Variants in SHROOM4 observed in about 807,000 individuals in gnomAD.
SHROOM4 encodes shroom family member 4, also known as protein Shroom4.
In SHROOM4, 17 loss-of-function variants were observed where a neutral mutation model predicts 80.3. The observed-to-expected ratio is 0.21, with a 90% CI of 0.14 to 0.32. The LOEUF (loss-of-function observed/expected upper bound fraction) is 0.32. Ranked by LOEUF, SHROOM4 falls within the 10% of genes least tolerant of loss-of-function variation. The pLI is 1.00. For synonymous variants in SHROOM4, 400 were observed against 437.5 expected (o/e 0.91, Z 1.07); for missense variants, 993 against 1,140.3 (o/e 0.87, Z 1.86).
intron 1 of SHROOM4, among the ~76,000 whole-genome samples, chrX:50,760,192 A>G (rs943552730): frequency 4.5e-5 from 5 of 110,917 alleles, no homozygotes; most frequent in African/African-American, 1.6e-4. Context: ...TGTCTATTTT[A>G]TCTTCAATTC....
intron 4 of SHROOM4, 115 bp downstream of exon 4, chrX:50,633,063 G>T: frequency 2.6e-6 from 2 of 769,963 alleles, no homozygotes; most frequent in Non-Finnish European, 3.9e-6. Context: ...AACTACTGAA[G>T]CCAGTGCTGT....
chrX:50,737,180 A>G (rs1050761315), intron 1 of SHROOM4, among the ~76,000 whole-genome samples: 1 of 111,690 alleles, frequency 9.0e-6, no homozygotes, highest in African/African-American at 3.2e-5. Context: ...GATGTATATC[A>G]TAAGTGCCAA....
chrX:50,577,662 C>T, the SHROOM4 span, among the ~76,000 whole-genome samples: 1 of 111,941 alleles, frequency 8.9e-6, no homozygotes, highest in Admixed American at 9.5e-5. Context: ...TCTTGTCTCT[C>T]CTCCAATTGC....
chrX:50,783,146 AGAT>A (rs1935664210), intron 1 of SHROOM4, among the ~76,000 whole-genome samples: 1 of 112,259 alleles, frequency 8.9e-6, no homozygotes, highest in African/African-American at 3.2e-5. Flanking sequence ...CTTTATTTGT[AGAT>A]GATATGATCA....
At chrX:50,598,606 C>T (rs1929238920) in intron 7 of SHROOM4, 71 bp from the exon 8 acceptor site, 3 of 1,120,846 alleles carry the variant, frequency 2.7e-6, no homozygotes, top group Admixed American at 2.5e-5. Context: ...GTGCCTGTAA[C>T]CTCTGTTTTG....
rs1370388970 is a variant in SHROOM4, at chrX:50,634,631, T to C, written c.1442A>G (p.Asp481Gly). The C allele has an allele frequency of 1.7e-6, 2 of 1,209,965 alleles. No individual in the cohort carries two copies. The highest frequency in any genetic ancestry group is 2.2e-6 in the Non-Finnish European group (2 of 895,287). ...SSKERKTRQV[D>G]DRSLVLGHQS... ...GTGTCCCAAAACTAAAGACCTGTCA[T>C]CCACTTGTCTGGTCTTTCTTTCTTT... Residue 481 changes from aspartate (D) to glycine (G), a missense_variant, in exon 4 of 9, where the codon GAT (aspartate) becomes GGT (glycine). Transcript: ENST00000376020.
At chrX:50,684,724 G>A (rs1933027822) in intron 2 of SHROOM4, among the ~76,000 whole-genome samples, 2 of 111,889 alleles carry the variant, frequency 1.8e-5, no homozygotes, top group African/African-American at 6.5e-5. Context: ...CTGAAAAAGG[G>A]AGAGTGGAAA....
chrX:50,787,360 C>T (rs1192451623), intron 1 of SHROOM4, among the ~76,000 whole-genome samples: 1 of 111,007 alleles, frequency 9.0e-6, no homozygotes, highest in Non-Finnish European at 1.9e-5. Flanking sequence ...GGTAATTATA[C>T]AGTCAGAGGA....
intron 2 of SHROOM4, among the ~76,000 whole-genome samples, chrX:50,683,938 G>C (rs1557262011): frequency 9.0e-6 from 1 of 111,608 alleles, no homozygotes; most frequent in Non-Finnish European, 1.9e-5. Flanking sequence ...AGTAGAGGAA[G>C]AGGAACCATA....
chrX:50,709,826 C>CCAGTAGCAT (rs1283856563), intron 1 of SHROOM4, among the ~76,000 whole-genome samples: 1 of 112,059 alleles, frequency 8.9e-6, no homozygotes, highest in Admixed American at 9.4e-5. Context: ...GGTACCTGGA[C>CCAGTAGCAT]CAGTAGCATC....
chrX:50,663,273 T>C (rs782137031), intron 2 of SHROOM4, among the ~76,000 whole-genome samples: 1 of 112,130 alleles, frequency 8.9e-6, no homozygotes, highest in South Asian at 3.8e-4. Flanking sequence ...TGTTTGTTCA[T>C]TTTAAATCCT....
chrX:50,680,045 C>T (rs1484625049), intron 2 of SHROOM4, among the ~76,000 whole-genome samples: 2 of 112,097 alleles, frequency 1.8e-5, no homozygotes, highest in Admixed American at 9.5e-5. Context: ...GTCTCATCAA[C>T]ATTTGACACA....
chrX:50,622,546 G>A (rs1391049135), intron 5 of SHROOM4, among the ~76,000 whole-genome samples: 2 of 112,619 alleles, frequency 1.8e-5, no homozygotes, highest in Admixed American at 9.4e-5. Context: ...AGACAACTAA[G>A]AGTATAACTA....
At chrX:50,610,219 G>A (rs1048562042) in intron 5 of SHROOM4, among the ~76,000 whole-genome samples, 3 of 111,105 alleles carry the variant, frequency 2.7e-5, no homozygotes, top group Non-Finnish European at 3.8e-5. Context: ...CACTCATGTG[G>A]ATCAGAAATT....
intron 1 of SHROOM4, 110 bp downstream of exon 1, chrX:50,813,792 C>T (rs1936398898): frequency 1.8e-6 from 1 of 569,720 alleles, no homozygotes; most frequent in South Asian, 2.6e-5. Context: ...TCTTTCGCTC[C>T]CAGCCCTAAG....
Position 50,610,352 on chromosome X carries a change from T to TCTCTCTCTCACACACA in SHROOM4, c.2958-2169_2958-2168insTGTGTGTGAGAGAGAG, listed in dbSNP as rs782591424. On this transcript the variant is annotated intron_variant, in intron 5 of 8. Coordinates refer to ENST00000376020, the MANE Select transcript of SHROOM4 (RefSeq NM_020717.5). Reference sequence around the variant, plus strand: ...GGCATATTCTCTCTCTCTCTCTCTCTCACACACACACACACACACACACAC... The same window carrying TCTCTCTCTCACACACA: ...GGCATATTCTCTCTCTCTCTCTCTCTCTCTCTCTCACACACACACACACACACACACACACACACAC... Among the ~76,000 whole-genome samples, 249 of 91,696 alleles carry TCTCTCTCTCACACACA rather than the reference T, an allele frequency of 2.7e-3. 4 individuals carry two copies. Among genetic ancestry groups the TCTCTCTCTCACACACA allele is most frequent in the African/African-American group, 0.011 (235 of 21,857 alleles). 79.6% of individuals were successfully genotyped at this position (91,696 alleles called of 115,157 possible).
rs1309896399 is a variant in SHROOM4 at position 50,590,281 on chromosome X, C to T, written c.*6414G>A. On this transcript the variant is annotated 3_prime_UTR_variant, in exon 9 of 9. Coordinates refer to ENST00000376020, the MANE Select transcript of SHROOM4 (RefSeq NM_020717.5). The stretch of plus-strand genomic sequence containing the variant: ...CTTTTTTTTGAGACAGAATCTCGCT[C>T]AGTCACCCAGGCTGGAGTGCAGTGG... Among the ~76,000 whole-genome samples the T allele has an allele frequency of 5.5e-5, 6 of 110,051 alleles. No individual in the cohort carries two copies. Among genetic ancestry groups the T allele is most frequent in the African/African-American group, 2.0e-4 (6 of 30,141 alleles).
rs1382323629 is a variant in SHROOM4 at position 50,814,193 on chromosome X, A to T, written c.-175T>A. ...AGCGAGCGAGCGCAAGGAGGAAATG[A>T]CACGGAGCTGGAGAAAGGGGGAGAG... On this transcript the variant is annotated 5_prime_UTR_variant, in exon 1 of 9. Coordinates refer to ENST00000376020, the MANE Select transcript of SHROOM4 (RefSeq NM_020717.5). The T allele has an allele frequency of 2.0e-5, 9 of 450,949 alleles. No homozygotes were observed. The East Asian group carries it at 3.4e-4, about 17-fold the overall frequency. 37.2% of individuals were successfully genotyped at this position (450,949 alleles called of 1,213,427 possible).
chrX:50,797,955 T>G (rs1287243038), intron 1 of SHROOM4, among the ~76,000 whole-genome samples: 1 of 111,059 alleles, frequency 9.0e-6, no homozygotes, highest in Non-Finnish European at 1.9e-5. Flanking sequence ...TTTATATAGT[T>G]TTAAAAATTT....
Sources: allele counts gnomAD v4.1 joint callset (sites outside exome capture counted in the v4.1 genomes callset), GRCh38; gene constraint gnomAD v4.1.1; transcripts MANE v1.5; gene names NCBI Gene and HGNC (gene_info 2026-07-23, HGNC 2026-07-21).